The following PPP2R2C variants were observed in gnomAD, a reference collection of about 807,000 sequenced individuals.
PPP2R2C encodes the protein protein phosphatase 2 regulatory subunit Bgamma.
A neutral mutation model predicts 45.3 loss-of-function variants in PPP2R2C; 10 were observed. The ratio of observed to expected loss-of-function variants is 0.22; its 90% CI spans 0.14 to 0.37. The LOEUF (loss-of-function observed/expected upper bound fraction) is 0.37, where lower values mean the gene tolerates loss of function less well. Ranked by LOEUF, PPP2R2C falls within the 10% of genes least tolerant of loss-of-function variation. PPP2R2C has a pLI of 1.00. For synonymous variants in PPP2R2C, 257 were observed against 245.4 expected (o/e 1.05, Z -0.44); for missense variants, 308 against 619.7 (o/e 0.50, Z 5.34).
chr4:6,346,400 C>T (rs1404825416), intron 6 of PPP2R2C, among the ~76,000 whole-genome samples: 2 of 152,154 alleles, frequency 1.3e-5, no homozygotes, highest in African/African-American at 4.8e-5. Flanking sequence ...TCAGGGTGTC[C>T]GTTCCACTGT....
At chr4:6,384,637 T>C in intron 1 of PPP2R2C, 2 of 985,470 alleles carry the variant, frequency 2.0e-6, no homozygotes, top group Non-Finnish European at 2.4e-6. Context: ...CCAATATAAC[T>C]ATTGCTATCC....
chr4:6,503,756 A>G (rs969258324), intron 2 of PPP2R2C, among the ~76,000 whole-genome samples: 2 of 152,014 alleles, frequency 1.3e-5, no homozygotes, highest in African/African-American at 2.4e-5. Flanking sequence ...ATGGACAAGT[A>G]CACTGCATAG....
intron 2 of PPP2R2C, among the ~76,000 whole-genome samples, chr4:6,505,660 C>T (rs1723202087): frequency 6.6e-6 from 1 of 152,174 alleles, no homozygotes; most frequent in African/African-American, 2.4e-5. Context: ...AATTAAAATG[C>T]AATTTTTATA....
At chr4:6,369,887 T>C (rs574599340) in intron 5 of PPP2R2C, among the ~76,000 whole-genome samples, 39 of 152,178 alleles carry the variant, frequency 2.6e-4, no homozygotes, top group African/African-American at 9.2e-4. Context: ...CATCCCCATG[T>C]CCCTAGGGCT....
intron 1 of PPP2R2C, among the ~76,000 whole-genome samples, chr4:6,536,432 C>G (rs139374092): frequency 2.6e-5 from 4 of 151,918 alleles, no homozygotes; most frequent in East Asian, 3.9e-4. Context: ...GAAACACACA[C>G]GAAGAAAGAA....
chr4:6,472,626 G>GGAC (rs1721975735), upstream of PPP2R2C, among the ~76,000 whole-genome samples: 1 of 147,006 alleles, frequency 6.8e-6, no homozygotes, highest in African/African-American at 2.4e-5. Context: ...CGCGGGCTGG[G>GGAC]GCCGCCGCCG....
intron 1 of PPP2R2C, among the ~76,000 whole-genome samples, chr4:6,549,500 T>A (rs142423150): frequency 6.6e-6 from 1 of 152,254 alleles, no homozygotes; most frequent in East Asian, 1.9e-4. Context: ...GGTGAGGCCC[T>A]CAGGAGTGAA....
intron 1 of PPP2R2C, among the ~76,000 whole-genome samples, chr4:6,385,319 T>C (rs189979505): frequency 6.6e-6 from 1 of 152,326 alleles, no homozygotes; most frequent in East Asian, 1.9e-4. Context: ...TGTCTACTCA[T>C]TTTTATAGGT....
chr4:6,559,395 GCACACACACACACACACA>G lies in PPP2R2C; in HGVS notation c.-59+4147_-59+4164del, dbSNP rs58400617. Among the ~76,000 whole-genome samples the G allele has an allele frequency of 1.1e-4, 16 of 144,862 alleles. No individual in the cohort carries two copies. In the South Asian group the frequency reaches 3.2e-3, roughly 29 times the overall value. On this transcript the variant is annotated intron_variant, in intron 1 of 9. Coordinates refer to the PPP2R2C transcript ENST00000506140. The stretch of plus-strand genomic sequence containing the variant: ...AATGGCAGTTCTGAAAAAATACACA[GCACACACACACACACACA>G]CACACACACACACACACAGAACAGA...
At chr4:6,393,204 A>T (rs1486344067) in intron 1 of PPP2R2C, among the ~76,000 whole-genome samples, 1 of 152,054 alleles carries the variant, frequency 6.6e-6, no homozygotes, top group African/African-American at 2.4e-5. Flanking sequence ...CCACCACCCC[A>T]AAAAGAAACC....
At chr4:6,554,561 G>A (rs1233646495) in intron 1 of PPP2R2C, among the ~76,000 whole-genome samples, 1 of 152,128 alleles carries the variant, frequency 6.6e-6, no homozygotes, top group Non-Finnish European at 1.5e-5. Context: ...ATGAATAACA[G>A]AAATTGATTG....
At chr4:6,381,497 G>C (rs555242859) in intron 1 of PPP2R2C, 1 of 1,377,162 alleles carries the variant, frequency 7.3e-7, no homozygotes, top group African/African-American at 1.5e-5. Flanking sequence ...ACCTGGGTCA[G>C]GGAAGCCCTT....
chr4:6,472,748 GTGGGCACCTTGGTGC>G (rs1721984885), upstream of PPP2R2C, among the ~76,000 whole-genome samples: 2 of 151,892 alleles, frequency 1.3e-5, no homozygotes, highest in Non-Finnish European at 2.9e-5. Flanking sequence ...GGCCCTCGCG[GTGGGCACCTTGGTGC>G]TGGGTGCGCC....
intron 2 of PPP2R2C, among the ~76,000 whole-genome samples, chr4:6,499,920 C>T (rs1722994218): frequency 6.6e-6 from 1 of 152,148 alleles, no homozygotes; most frequent in Non-Finnish European, 1.5e-5. Context: ...TTCCAGGCTT[C>T]CTTCCCCTTT....
intron 2 of PPP2R2C, among the ~76,000 whole-genome samples, chr4:6,486,342 A>G (rs968100225): frequency 9.2e-5 from 14 of 152,016 alleles, no homozygotes; most frequent in Non-Finnish European, 5.9e-5. Flanking sequence ...TTGAACATCT[A>G]TTCTGCTGTT....
At chr4:6,366,304 C>T (rs946569465) in intron 5 of PPP2R2C, among the ~76,000 whole-genome samples, 3 of 152,220 alleles carry the variant, frequency 2.0e-5, no homozygotes, top group Non-Finnish European at 4.4e-5. Flanking sequence ...GCCCAAAGCC[C>T]GGGCTCCTTC....
chr4:6,477,388 G>C (rs1242860038), upstream of PPP2R2C, among the ~76,000 whole-genome samples: 2 of 152,164 alleles, frequency 1.3e-5, no homozygotes, highest in African/African-American at 4.8e-5. Context: ...TTGTCATTTT[G>C]ATTCTAGCCA....
intron 5 of PPP2R2C, among the ~76,000 whole-genome samples, chr4:6,363,489 G>C (rs62285893): frequency 0.45 from 67,935 of 151,494 alleles, 17,598 homozygotes; most frequent in Non-Finnish European, 0.58. Flanking sequence ...TGAGGCAGGA[G>C]AATGGCGTGA....
At chr4:6,510,555 C>A (rs1052782340) in intron 2 of PPP2R2C, among the ~76,000 whole-genome samples, 1 of 152,198 alleles carries the variant, frequency 6.6e-6, no homozygotes, top group African/African-American at 2.4e-5. Context: ...CATGCATGTG[C>A]ATGCACACAC....
Sources: gnomAD v4.1 joint callset for allele counts (sites outside exome capture counted in the v4.1 genomes callset) on GRCh38, gnomAD v4.1.1 for gene constraint, MANE v1.5 for transcripts, NCBI Gene and HGNC (gene_info 2026-07-23, HGNC 2026-07-21) for gene names.